The following PDE10A variants were observed in gnomAD, a reference collection of about 807,000 sequenced individuals.
PDE10A encodes phosphodiesterase 10A, also known as cAMP and cAMP-inhibited cGMP 3',5'-cyclic phosphodiesterase 10A.
A neutral mutation model predicts 97.7 loss-of-function variants in PDE10A; 39 were observed. The ratio of observed to expected loss-of-function variants is 0.40; its 90% CI spans 0.31 to 0.52. PDE10A has a LOEUF of 0.52. Ranked by LOEUF, PDE10A falls within the 20% of genes least tolerant of loss-of-function variation. The probability of loss-of-function intolerance (pLI) is 0.56; values close to 1 mark genes in which losing one functional copy is unlikely to be tolerated. For synonymous variants in PDE10A, 371 were observed against 376.8 expected, an observed-to-expected ratio of 0.98 and a Z score of 0.18; for missense variants, 731 against 1,047.8, an observed-to-expected ratio of 0.70 and a Z score of 4.17.
intron 1 of PDE10A, among the ~76,000 whole-genome samples, chr6:165,703,014 A>G (rs1420481913): frequency 6.6e-6 from 1 of 152,058 alleles, no homozygotes; most frequent in African/African-American, 2.4e-5. Context: ...GTGCAATTCC[A>G]TTTTCATAAA....
At chr6:165,749,999 C>T (rs767949544) in intron 1 of PDE10A, among the ~76,000 whole-genome samples, 7 of 152,154 alleles carry the variant, frequency 4.6e-5, no homozygotes, top group Non-Finnish European at 1.0e-4. Flanking sequence ...TGTTTTGATA[C>T]TTCCTGGTCC....
chr6:165,410,876 C>G (rs1403310702), intron 13 of PDE10A, among the ~76,000 whole-genome samples: 1 of 142,794 alleles, frequency 7.0e-6, no homozygotes, highest in Non-Finnish European at 1.5e-5. Context: ...ATCACGAGGT[C>G]AGGAGATCGA....
intron 2 of PDE10A, among the ~76,000 whole-genome samples, chr6:165,511,387 T>C (rs985280266): frequency 2.0e-5 from 3 of 151,594 alleles, no homozygotes; most frequent in African/African-American, 7.3e-5. Flanking sequence ...GAGAAGATAC[T>C]TGATTTCAAA....
At chr6:165,914,444 T>C (rs1478706988) in intron 1 of PDE10A, among the ~76,000 whole-genome samples, 3 of 152,220 alleles carry the variant, frequency 2.0e-5, no homozygotes, top group African/African-American at 7.2e-5. Flanking sequence ...GGTTTATGGA[T>C]ATCCACCAAG....
chr6:165,784,600 T>A (rs6912860), intron 1 of PDE10A, among the ~76,000 whole-genome samples: 78,098 of 152,060 alleles, frequency 0.51, 20,507 homozygotes, highest in Middle Eastern at 0.59. Flanking sequence ...TCCAAACAGC[T>A]CCCTTCTGAT....
At chr6:165,434,577 T>G (rs1443547280) in intron 6 of PDE10A, among the ~76,000 whole-genome samples, 1 of 152,222 alleles carries the variant, frequency 6.6e-6, no homozygotes, top group Non-Finnish European at 1.5e-5. Context: ...TCTACGTGAT[T>G]TGCTCTGGCT....
intron 1 of PDE10A, among the ~76,000 whole-genome samples, chr6:165,656,973 T>C (rs1023533984): frequency 6.6e-6 from 1 of 152,222 alleles, no homozygotes; most frequent in Non-Finnish European, 1.5e-5. Flanking sequence ...TTTCAAAGAG[T>C]GCTCATCGAT....
In PDE10A at chr6:165,734,088, G is replaced by A. The variant is rs574513791; in HGVS notation, c.-614-190520C>T. On this transcript the variant is annotated intron_variant, in intron 1 of 19. Coordinates refer to the PDE10A transcript ENST00000366882. Reference sequence around the variant, plus strand: ...GCTCCATTCCCCAGGAAAAATGAACGTAGAAGGACCCATCTGCTGGAAGAG... The same window carrying A: ...GCTCCATTCCCCAGGAAAAATGAACATAGAAGGACCCATCTGCTGGAAGAG... Among the ~76,000 whole-genome samples, 88 of 152,316 alleles carry A rather than the reference G, an allele frequency of 5.8e-4. No homozygotes were observed. The South Asian group carries it at 0.017, about 29-fold the overall frequency.
intron 1 of PDE10A, among the ~76,000 whole-genome samples, chr6:165,605,549 A>C (rs1017372606): frequency 7.2e-5 from 11 of 152,010 alleles, no homozygotes; most frequent in Non-Finnish European, 1.5e-4. Context: ...ACTCAAGTCA[A>C]ACACCACCTC....
chr6:165,522,038 C>T (rs952517770), intron 2 of PDE10A, among the ~76,000 whole-genome samples: 2 of 152,178 alleles, frequency 1.3e-5, no homozygotes, highest in Admixed American at 1.3e-4. Context: ...ATATTTTATT[C>T]TATGACTAGA....
chr6:165,433,120 A>G lies in PDE10A; in HGVS notation c.1345T>C (p.Phe449Leu). Residue 449 changes from phenylalanine to leucine, a missense_variant, in exon 7 of 22, where the codon TTT becomes CTT. Phe to Leu is a conservative substitution (Grantham distance 22, BLOSUM62 0). This residue lies in a region of PDE10A where 152 missense variants were observed against 199.3 expected (regional missense o/e 0.76). Transcript: ENST00000539869. ...LVEDILGDER[F>L]PRGTGLESGT... ...GATTCCAGTCCAGTACCTCTTGGAA[A>G]TCGTTCATCCTGAAAAACAAAAAGA... The G allele has an allele frequency of 6.2e-7, 1 of 1,608,446 alleles. No homozygotes were observed.
At chr6:165,610,274 T>C (rs906459766) in intron 1 of PDE10A, among the ~76,000 whole-genome samples, 3 of 152,262 alleles carry the variant, frequency 2.0e-5, no homozygotes, top group African/African-American at 4.8e-5. Context: ...CCAGGCCCGG[T>C]GGCTCACGCC....
chr6:165,488,537 G>A (rs752690431), intron 2 of PDE10A, among the ~76,000 whole-genome samples: 40 of 152,174 alleles, frequency 2.6e-4, no homozygotes, highest in Non-Finnish European at 2.5e-4. Context: ...AAGCCACATC[G>A]TGAACTTTTG....
rs571954878 is a variant in PDE10A at position 165,644,996 on chromosome 6, T to C, written c.865+16951A>G. On this transcript the variant is annotated intron_variant, in intron 1 of 21. Coordinates refer to ENST00000539869, the MANE Select transcript of PDE10A (RefSeq NM_001385079.1). The stretch of plus-strand genomic sequence containing the variant: ...ATAAAGAACATAAACGTCACCCTAA[T>C]TGTGTTAGTAGCAGAAGCCTCTGGC... Among the ~76,000 whole-genome samples the C allele has an allele frequency of 4.6e-5, 7 of 152,336 alleles. No homozygotes were observed. In the South Asian group the frequency reaches 1.2e-3, roughly 27 times the overall value.
chr6:165,370,053 C>A (rs1206933609), intron 18 of PDE10A, among the ~76,000 whole-genome samples: 1 of 152,072 alleles, frequency 6.6e-6, no homozygotes, highest in African/African-American at 2.4e-5. Context: ...ACCACCAGGC[C>A]TGCCTTACAA....
At position 165,417,086 on chromosome 6, in the gene PDE10A, A is replaced by G. The variant is rs140653780; in HGVS notation, c.1797-805T>C. ...TCAAAAATAATTTCCATATTATTAC[A>G]TTGTCAACATTATAGGAAATCACCA... is the stretch of plus-strand genomic sequence containing the variant. On this transcript the variant is annotated intron_variant, in intron 11 of 21. Transcript: ENST00000539869. Among the ~76,000 whole-genome samples, 1,362 of 152,374 alleles carry G rather than the reference A, an allele frequency of 8.9e-3. 48 individuals carry two copies. In the South Asian group the frequency reaches 0.091, roughly 10 times the overall value.
At chr6:165,567,593 T>C (rs1237219515) in intron 1 of PDE10A, among the ~76,000 whole-genome samples, 1 of 152,132 alleles carries the variant, frequency 6.6e-6, no homozygotes, top group Non-Finnish European at 1.5e-5. Context: ...TGAAACCCAT[T>C]CCCAATCTCT....
At chr6:165,960,107 G>A (rs1784311836) in intron 1 of PDE10A, among the ~76,000 whole-genome samples, 2 of 152,286 alleles carry the variant, frequency 1.3e-5, no homozygotes, top group Non-Finnish European at 2.9e-5. Flanking sequence ...GGTCCACCTA[G>A]AGAGAAAGTG....
intron 5 of PDE10A, among the ~76,000 whole-genome samples, chr6:165,439,858 T>TA (rs1015317913): frequency 6.6e-6 from 1 of 152,204 alleles, no homozygotes. Context: ...GTACAATTTA[T>TA]AAAAACACCA....
Sources: allele counts gnomAD v4.1 joint callset (sites outside exome capture counted in the v4.1 genomes callset), GRCh38; gene constraint gnomAD v4.1.1; regional missense constraint gnomAD v4.1.1; transcripts MANE v1.5; gene names NCBI Gene and HGNC (gene_info 2026-07-23, HGNC 2026-07-21).